The following CBL variants were observed in gnomAD, a reference collection of about 807,000 sequenced individuals.
The protein encoded by CBL is E3 ubiquitin-protein ligase CBL.
Under a neutral mutation model 96.9 loss-of-function variants are expected in CBL, and 45 were observed. That is an observed-to-expected ratio of 0.46 (90% CI 0.37 to 0.60). CBL has a LOEUF of 0.60. Among genes scored for constraint, CBL ranks in the 20% least tolerant of loss-of-function variants. CBL has a pLI of 0.00. For synonymous variants in CBL, 420 were observed against 426.8 expected (o/e 0.98, Z 0.20); for missense variants, 1,024 against 1,143.5 (o/e 0.90, Z 1.51).
intron 1 of CBL, among the ~76,000 whole-genome samples, chr11:119,217,031 G>A (rs1949367277): frequency 1.3e-5 from 2 of 152,194 alleles, no homozygotes; most frequent in Admixed American, 1.3e-4. Context: ...TTTTACATCT[G>A]CAGATAAGTT....
chr11:119,254,296 TC>T (rs1022804924), intron 2 of CBL, among the ~76,000 whole-genome samples: 2 of 152,218 alleles, frequency 1.3e-5, no homozygotes, highest in African/African-American at 4.8e-5. Context: ...CAATTTAAAG[TC>T]CATTGAAATT....
At chr11:119,272,966 G>A (rs1042673841) in intron 3 of CBL, among the ~76,000 whole-genome samples, 1 of 148,870 alleles carries the variant, frequency 6.7e-6, no homozygotes, top group African/African-American at 2.5e-5. Flanking sequence ...AAATATCCTA[G>A]GTTTTGTCGT....
At chr11:119,270,437 T>TATATATATATA (rs1491342887) in intron 2 of CBL, among the ~76,000 whole-genome samples, 3 of 18,420 alleles carry the variant, frequency 1.6e-4, no homozygotes, top group African/African-American at 1.0e-3. Context: ...TATATATATA[T>TATATATATATA]TTTTTTTTTT....
At chr11:119,208,409 A>G (rs1467487905) in intron 1 of CBL, among the ~76,000 whole-genome samples, 3 of 148,836 alleles carry the variant, frequency 2.0e-5, no homozygotes, top group African/African-American at 7.5e-5. Context: ...TTTTTTTGAG[A>G]CGGAGTTTTT....
chr11:119,278,215 A>C lies in CBL; in HGVS notation c.1145A>C (p.Lys382Thr). 1 of 1,612,002 alleles carries C rather than the reference A, an allele frequency of 6.2e-7. No individual in the cohort carries two copies. Reference sequence around the variant, plus strand: ...ATGGGCTCCACATTCCAACTATGTAAAATATGTGCTGAAAATGATAAGGAT... The same window carrying C: ...ATGGGCTCCACATTCCAACTATGTACAATATGTGCTGAAAATGATAAGGAT... ...CEMGSTFQLC[K>T]ICAENDKDVK... The change falls in exon 8 of 16, where the codon AAA (lysine) becomes ACA (threonine). Residue 382 changes from lysine to threonine, a missense_variant. By Grantham distance (78) the Lys-to-Thr change is moderately conservative. Transcript: ENST00000264033.
At position 119,303,856 on chromosome 11, in the gene CBL, C is replaced by T. The variant is rs539569239; in HGVS notation, c.*4075C>T. The stretch of plus-strand genomic sequence containing the variant: ...CCTTGAACTTTTTCCTGAGCTGCTA[C>T]GTCCCTAATCCCCCTTGTTGGGAGG... On this transcript the variant is annotated 3_prime_UTR_variant, in exon 16 of 16. Transcript: ENST00000264033. 1.7e-5 allele frequency: 4 copies of T among 233,718 alleles called. No homozygotes were observed. Among genetic ancestry groups the T allele is most frequent in the South Asian group, 1.8e-4 (1 of 5,528 alleles). The allele number at this position is 233,718 out of a possible 1,614,324, so 14.5% of individuals were successfully genotyped here. A position where few individuals can be genotyped will look rare whatever the true frequency, so the allele number is the denominator to read the frequency against.
At chr11:119,260,482 A>T (rs181710489) in intron 2 of CBL, among the ~76,000 whole-genome samples, 1 of 151,948 alleles carries the variant, frequency 6.6e-6, no homozygotes, top group African/African-American at 2.4e-5. Context: ...CTTTATGCCT[A>T]AATTGTCTCA....
chr11:119,218,374 C>T (rs1324398150), intron 1 of CBL, among the ~76,000 whole-genome samples: 2 of 152,112 alleles, frequency 1.3e-5, no homozygotes, highest in African/African-American at 4.8e-5. Context: ...ATACCCTCAT[C>T]CACAATTGTG....
chr11:119,300,543 A>G lies in CBL; in HGVS notation c.*762A>G. ...TGTTTGGTAGATAAGTGGGAGGAAAAGTACTGTTGCTACACTATTATAGGC... is the reference window on the plus strand; with the variant it reads ...TGTTTGGTAGATAAGTGGGAGGAAAGGTACTGTTGCTACACTATTATAGGC... On this transcript the variant is annotated 3_prime_UTR_variant, in exon 16 of 16. Coordinates refer to ENST00000264033, the MANE Select transcript of CBL (RefSeq NM_005188.4). 1 of 399,904 alleles carries G rather than the reference A, an allele frequency of 2.5e-6. No individual in the cohort carries two copies. The allele number at this position is 399,904 out of a possible 1,614,324, so 24.8% of individuals were successfully genotyped here.
chr11:119,236,381 A>G (rs139553887), intron 2 of CBL, among the ~76,000 whole-genome samples: 124 of 151,608 alleles, frequency 8.2e-4, no homozygotes, highest in African/African-American at 2.8e-3. Context: ...GAATGTTTTT[A>G]CAATTCACCC....
At chr11:119,277,622 TGAAGTAAGA>T in intron 6 of CBL, 126 bp from the exon 7 acceptor site, 4 of 662,534 alleles carry the variant, frequency 6.0e-6, no homozygotes, top group Admixed American at 2.7e-5. Context: ...ATTTTTTTTT[TGAAGTAAGA>T]TTGATCTTTA....
chr11:119,264,861 T>G (rs1949789393), intron 2 of CBL, among the ~76,000 whole-genome samples: 1 of 152,110 alleles, frequency 6.6e-6, no homozygotes, highest in Non-Finnish European at 1.5e-5. Context: ...ATTAGCTAAA[T>G]TACTTTTCTT....
intron 9 of CBL, among the ~76,000 whole-genome samples, chr11:119,282,236 G>A (rs1565873337): frequency 6.6e-6 from 1 of 151,858 alleles, no homozygotes; most frequent in Non-Finnish European, 1.5e-5. Context: ...TACTTGGGAG[G>A]CTGAGGCCAG....
In CBL at chr11:119,232,633, G is replaced by A. The variant is rs1949512395; in HGVS notation, c.381G>A (p.Lys127=). ...TGGAGAATTTGATGAAGAAAACTAA[G>A]CAAACCATAAGCCTCTTCAAGGAGG... is the stretch of plus-strand genomic sequence containing the variant. ...VFMENLMKKT[K]QTISLFKEGK... The change falls in exon 2 of 16, where the codon AAG becomes AAA. Residue 127 remains lysine (K), a synonymous_variant. Transcript: ENST00000264033. 3.1e-6 allele frequency: 5 copies of A among 1,613,858 alleles called. No individual in the cohort carries two copies. The highest frequency in any genetic ancestry group is 4.2e-6 in the Non-Finnish European group (5 of 1,179,796).
At chr11:119,265,067 T>TG (rs922920196) in intron 2 of CBL, among the ~76,000 whole-genome samples, 16 of 150,528 alleles carry the variant, frequency 1.1e-4, no homozygotes, top group South Asian at 4.3e-4. Flanking sequence ...TTTGTATAGA[T>TG]GGGGGGTCTC....
At chr11:119,230,277 C>T (rs1327098958) in intron 1 of CBL, among the ~76,000 whole-genome samples, 2 of 151,810 alleles carry the variant, frequency 1.3e-5, no homozygotes, top group Non-Finnish European at 2.9e-5. Context: ...TCAGCCTCTC[C>T]GAGTAGCTGG....
At chr11:119,230,002 TG>T (rs1949488927) in intron 1 of CBL, among the ~76,000 whole-genome samples, 1 of 152,196 alleles carries the variant, frequency 6.6e-6, no homozygotes, top group African/African-American at 2.4e-5. Context: ...ACTGTGATGT[TG>T]CAGTAGTAAA....
intron 9 of CBL, among the ~76,000 whole-genome samples, chr11:119,280,231 A>G (rs1008777362): frequency 1.3e-5 from 2 of 152,192 alleles, no homozygotes; most frequent in African/African-American, 2.4e-5. Flanking sequence ...TTGCTGCATA[A>G]GGGAGTGTGT....
At position 119,206,438 on chromosome 11, in the gene CBL, G is replaced by GAGCTCTGGGGCCGGGGGCGGCAGC. The variant is rs763597220; in HGVS notation, c.22_45dup (p.Ser8_Ser15dup). The GAGCTCTGGGGCCGGGGGCGGCAGC allele has an allele frequency of 1.3e-6, 2 of 1,575,278 alleles. No homozygotes were observed. Among genetic ancestry groups the GAGCTCTGGGGCCGGGGGCGGCAGC allele is most frequent in the Non-Finnish European group, 1.7e-6 (2 of 1,165,744 alleles). On this transcript the variant is annotated inframe_insertion, in exon 1 of 16. Transcript: ENST00000264033. ...AGGCCATGGCCGGCAACGTGAAGAA[G>GAGCTCTGGGGCCGGGGGCGGCAGC]AGCTCTGGGGCCGGGGGCGGCAGCG...
Sources: allele counts gnomAD v4.1 joint callset (sites outside exome capture counted in the v4.1 genomes callset), GRCh38; gene constraint gnomAD v4.1.1; transcripts MANE v1.5; gene names NCBI Gene and HGNC (gene_info 2026-07-23, HGNC 2026-07-21).